POLR2C: variants seen among roughly 807,000 people sequenced by gnomAD.
POLR2C encodes the protein RNA polymerase II subunit C.
A neutral mutation model predicts 41.7 loss-of-function variants in POLR2C; 36 were observed. That is an observed-to-expected ratio of 0.86 (90% CI 0.66 to 1.14). The LOEUF is 1.14. Ranked by LOEUF, POLR2C falls within the 50% of genes most tolerant of loss-of-function variation. The pLI, the probability that POLR2C is intolerant of heterozygous loss-of-function variation, is 0.00. For missense variants in POLR2C, 260 were observed against 350.4 expected (o/e 0.74, Z 2.06); for synonymous variants, 133 against 137.8 (o/e 0.96, Z 0.25).
chr16:57,467,563 T>C (rs553311491), intron 4 of POLR2C, among the ~76,000 whole-genome samples: 32 of 152,336 alleles, frequency 2.1e-4, no homozygotes, highest in Non-Finnish European at 3.8e-4. Context: ...TGTAGAAAAG[T>C]TGAAAAACTA....
In POLR2C at chr16:57,469,943, T is replaced by TTGTG; in HGVS notation, c.440-17_440-14dup. On this transcript the variant is annotated splice_polypyrimidine_tract_variant and intron_variant, in intron 6 of 8. Transcript: ENST00000219252. This position sits in a 1 kb window ranked among gnomAD's most constrained non-coding sequence, Gnocchi z 5.8. ...ATGTCTCTCCTGGCCCTTGACTGAC[T>TTGTG]TGTGCCTCTCCCTGCAGACATCCTC... is the stretch of plus-strand genomic sequence containing the variant. 6.2e-7 allele frequency: 1 copy of TTGTG among 1,610,502 alleles called. No individual in the cohort carries two copies. The highest frequency in any genetic ancestry group is 8.5e-7 in the Non-Finnish European group (1 of 1,179,030).
chr16:57,462,827 A>G lies in POLR2C; in HGVS notation c.86+17A>G, dbSNP rs1254587555. The G allele has an allele frequency of 1.6e-5, 25 of 1,592,986 alleles. No individual in the cohort carries two copies. The highest frequency in any genetic ancestry group is 2.1e-5 in the Non-Finnish European group (25 of 1,168,454). On this transcript the variant is annotated intron_variant, in intron 1 of 8. Coordinates refer to ENST00000219252, the MANE Select transcript of POLR2C (RefSeq NM_032940.3). ...CGACCTGGCGTAAGGCTACCGAGGG[A>G]AGAGGCTGGCGGCTCTGGGGCGCCG...
At chr16:57,467,435 C>G (rs1300823167) in intron 4 of POLR2C, among the ~76,000 whole-genome samples, 5 of 152,204 alleles carry the variant, frequency 3.3e-5, no homozygotes, top group Non-Finnish European at 7.3e-5. Context: ...CGATATCTTA[C>G]ATAAAGATAC....
intron 1 of POLR2C, 42 bp downstream of exon 1, chr16:57,462,852 G>A (rs930363344): frequency 3.3e-6 from 5 of 1,510,712 alleles, no homozygotes; most frequent in Non-Finnish European, 4.5e-6. Flanking sequence ...CTGGGGCGCC[G>A]GGAGGCCCAA....
intron 7 of POLR2C, 43 bp downstream of exon 7, chr16:57,470,172 G>A (rs2030796919): frequency 1.2e-5 from 19 of 1,603,250 alleles, no homozygotes; most frequent in Non-Finnish European, 1.6e-5. Context: ...TGGGGTGGGT[G>A]TGGCATAGAA....
chr16:57,470,832 A>C, intron 8 of POLR2C, 143 bp from the exon 9 acceptor site: 1 of 733,746 alleles, frequency 1.4e-6, no homozygotes, highest in Non-Finnish European at 2.3e-6. Flanking sequence ...GAGGTTTTAC[A>C]TGAAAGGAAG....
At chr16:57,466,114 T>G in intron 3 of POLR2C, 61 bp from the exon 4 acceptor site, 3 of 1,478,360 alleles carry the variant, frequency 2.0e-6, no homozygotes, top group Non-Finnish European at 2.8e-6. Flanking sequence ...AGAAGGCTTC[T>G]GGGTTCTCAT....
chr16:57,465,269 C>T (rs1273451517), intron 2 of POLR2C, among the ~76,000 whole-genome samples: 1 of 152,160 alleles, frequency 6.6e-6, no homozygotes, highest in Non-Finnish European at 1.5e-5. Flanking sequence ...TTCCTAGTGT[C>T]TGTGTCCCTC....
In POLR2C at chr16:57,471,497, C is replaced by T. The variant is rs971982054; in HGVS notation, c.*378C>T. The T allele has an allele frequency of 7.4e-5, 13 of 176,268 alleles. No individual in the cohort carries two copies. The highest frequency in any genetic ancestry group is 1.4e-4 in the Non-Finnish European group (12 of 82,976). 10.9% of individuals were successfully genotyped at this position (176,268 alleles called of 1,614,324 possible). On this transcript the variant is annotated 3_prime_UTR_variant, in exon 9 of 9. Coordinates refer to ENST00000219252, the MANE Select transcript of POLR2C (RefSeq NM_032940.3). The stretch of plus-strand genomic sequence containing the variant: ...TCATTTTCAGTTGTACCTTAGATGT[C>T]TGGTGTTGAGGATCAAGTGCCATAG...
rs776134899 is a variant in POLR2C at position 57,469,690 on chromosome 16, G to C, written c.388-20G>C. 2.9e-5 allele frequency: 47 copies of C among 1,605,974 alleles called. No individual in the cohort carries two copies. Among genetic ancestry groups the C allele is most frequent in the Non-Finnish European group, 3.8e-5 (45 of 1,174,564 alleles). On this transcript the variant is annotated intron_variant, in intron 5 of 8. Coordinates refer to ENST00000219252, the MANE Select transcript of POLR2C (RefSeq NM_032940.3). The surrounding 1 kb of genome is among the most constrained non-coding windows in gnomAD (Gnocchi z 5.8). ...CTGGGGAGGTGAGCAGCTAATGAAT[G>C]CCTGGTGGACTCCCTACAGGTGACA...
rs2030830729 is a variant in POLR2C at position 57,471,263 on chromosome 16, G to T, written c.*144G>T. The T allele has an allele frequency of 5.9e-6, 4 of 683,640 alleles. No individual in the cohort carries two copies. 42.3% of individuals were successfully genotyped at this position (683,640 alleles called of 1,614,324 possible). A position where few individuals can be genotyped will look rare whatever the true frequency, so the allele number is the denominator to read the frequency against. ...CAGGACATCAGTACCAACTAGAAGT[G>T]GGTCATAGATAGATTACCAGGGATG... On this transcript the variant is annotated 3_prime_UTR_variant, in exon 9 of 9. Coordinates refer to ENST00000219252, the MANE Select transcript of POLR2C (RefSeq NM_032940.3).
chr16:57,466,266 G>A lies in POLR2C; in HGVS notation c.258+39G>A, dbSNP rs184361224. The A allele has an allele frequency of 2.1e-6, 3 of 1,396,660 alleles. No homozygotes were observed. In the East Asian group the frequency reaches 6.9e-5, roughly 32 times the overall value. 86.5% of individuals were successfully genotyped at this position (1,396,660 alleles called of 1,614,324 possible). A position where few individuals can be genotyped will look rare whatever the true frequency, so the allele number is the denominator to read the frequency against. ...TTGGGTGGAATGTGAGGTTTGGTGG[G>A]GAGGCTTTGGTTCTCAAAGGGATTT... On this transcript the variant is annotated intron_variant, in intron 4 of 8. Transcript: ENST00000219252.
chr16:57,470,841 A>G, intron 8 of POLR2C, 134 bp from the exon 9 acceptor site: 1 of 789,172 alleles, frequency 1.3e-6, no homozygotes, highest in Non-Finnish European at 2.1e-6. Flanking sequence ...CATGAAAGGA[A>G]GTTAGCCCTG....
At chr16:57,467,911 C>T (rs2062675838) in intron 4 of POLR2C, among the ~76,000 whole-genome samples, 1 of 152,188 alleles carries the variant, frequency 6.6e-6, no homozygotes, top group Admixed American at 6.5e-5. Context: ...CTCTTTTCAT[C>T]TCAAACAGAC....
At position 57,469,997 on chromosome 16, in the gene POLR2C, TGAGACTTC is replaced by T; in HGVS notation, c.480_487del (p.Arg160SerfsTer23). 1 of 1,614,074 alleles carries T rather than the reference TGAGACTTC, an allele frequency of 6.2e-7. No individual in the cohort carries two copies. The highest frequency in any genetic ancestry group is 8.5e-7 in the Non-Finnish European group (1 of 1,180,012). On this transcript the variant is annotated frameshift_variant, in exon 7 of 9. Coordinates refer to ENST00000219252, the MANE Select transcript of POLR2C (RefSeq NM_032940.3). LOFTEE classifies it high-confidence loss of function. This position sits in a 1 kb window ranked among gnomAD's most constrained non-coding sequence, Gnocchi z 5.8. Reference sequence around the variant, plus strand: ...GTCAAGTTGAGAAAGGGCCAGGAGCTGAGACTTCGAGCCTATGCCAAAAAGGGCTTTGG... The same window carrying T: ...GTCAAGTTGAGAAAGGGCCAGGAGCTGAGCCTATGCCAAAAAGGGCTTTGG...
At position 57,469,698 on chromosome 16, in the gene POLR2C, G is replaced by A; in HGVS notation, c.388-12G>A. ...GTGAGCAGCTAATGAATGCCTGGTG[G>A]ACTCCCTACAGGTGACATCCCGGAA... On this transcript the variant is annotated splice_polypyrimidine_tract_variant and intron_variant, in intron 5 of 8. Coordinates refer to ENST00000219252, the MANE Select transcript of POLR2C (RefSeq NM_032940.3). The surrounding 1 kb of genome is among the most constrained non-coding windows in gnomAD (Gnocchi z 5.8). The A allele has an allele frequency of 6.2e-7, 1 of 1,609,892 alleles. No homozygotes were observed. The highest frequency in any genetic ancestry group is 8.5e-7 in the Non-Finnish European group (1 of 1,178,076).
At position 57,469,972 on chromosome 16, in the gene POLR2C, G is replaced by A. The variant is rs2030790184; in HGVS notation, c.451G>A (p.Val151Ile). ...GCCTCTCCCTGCAGACATCCTCATCGTCAAGTTGAGAAAGGGCCAGGAGCT... is the reference window on the plus strand; with the variant it reads ...GCCTCTCCCTGCAGACATCCTCATCATCAAGTTGAGAAAGGGCCAGGAGCT... ...DYVEQDDILI[V>I]KLRKGQELRL... is the part of the protein sequence containing the mutation. The change falls in exon 7 of 9, where the codon GTC becomes ATC. Residue 151 changes from valine (V) to isoleucine (I), a missense_variant. Coordinates refer to ENST00000219252, the MANE Select transcript of POLR2C (RefSeq NM_032940.3). This position sits in a 1 kb window ranked among gnomAD's most constrained non-coding sequence, Gnocchi z 5.8. 1.2e-6 allele frequency: 2 copies of A among 1,613,518 alleles called. No individual in the cohort carries two copies. Among genetic ancestry groups the A allele is most frequent in the Admixed American group, 1.7e-5 (1 of 59,972 alleles).
Position 57,462,699 on chromosome 16 carries a change from G to A in POLR2C, c.-26G>A, listed in dbSNP as rs759956094. The A allele has an allele frequency of 1.7e-5, 27 of 1,559,464 alleles. No homozygotes were observed. The East Asian group carries it at 5.2e-4, about 30-fold the overall frequency. On this transcript the variant is annotated 5_prime_UTR_variant, in exon 1 of 9. Transcript: ENST00000219252. ...GCCGCGCAGTCACCGCGGAGCAGACGCGGAGGCTGGTGGCCCCTGGGCGAG... is the reference window on the plus strand; with the variant it reads ...GCCGCGCAGTCACCGCGGAGCAGACACGGAGGCTGGTGGCCCCTGGGCGAG...
chr16:57,469,405 C>A lies in POLR2C; in HGVS notation c.387+112C>A. On this transcript the variant is annotated intron_variant, in intron 5 of 8. Transcript: ENST00000219252. The surrounding 1 kb of genome is among the most constrained non-coding windows in gnomAD (Gnocchi z 5.8). ...AGAAAATGTTGGCTTTCCCTGTTACCCTCTGCCTTAATCTGATCCCTAGAA... is the reference window on the plus strand; with the variant it reads ...AGAAAATGTTGGCTTTCCCTGTTACACTCTGCCTTAATCTGATCCCTAGAA... The A allele has an allele frequency of 1.7e-6, 2 of 1,202,476 alleles. No homozygotes were observed. The highest frequency in any genetic ancestry group is 1.5e-5 in the African/African-American group (1 of 66,446). The allele number at this position is 1,202,476 out of a possible 1,614,324, so 74.5% of individuals were successfully genotyped here.
Sources: gnomAD v4.1 joint callset for allele counts (sites outside exome capture counted in the v4.1 genomes callset) on GRCh38, gnomAD v4.1.1 for gene constraint, Gnocchi (gnomAD v3.1) non-coding constraint, MANE v1.5 for transcripts, NCBI Gene and HGNC (gene_info 2026-07-23, HGNC 2026-07-21) for gene names.